The following LARGE1 variants were observed in gnomAD, a reference collection of about 807,000 sequenced individuals.
LARGE1 encodes the protein xylosyl- and glucuronyltransferase LARGE1.
A neutral mutation model predicts 87.6 loss-of-function variants in LARGE1; 43 were observed. The ratio of observed to expected loss-of-function variants is 0.49; its 90% CI spans 0.38 to 0.63. The LOEUF is 0.63. Among genes scored for constraint, LARGE1 ranks in the 30% least tolerant of loss-of-function variants. The pLI is 0.00. For missense variants in LARGE1, 802 were observed against 1,000.2 expected (o/e 0.80, Z 2.67); for synonymous variants, 434 against 394.6 (o/e 1.10, Z -1.18).
chr22:33,853,684 A>G (rs2063674740), intron 1 of LARGE1, among the ~76,000 whole-genome samples: 1 of 152,212 alleles, frequency 6.6e-6, no homozygotes, highest in Non-Finnish European at 1.5e-5. Flanking sequence ...CAAGGATACA[A>G]AAAAGTGCCA....
In LARGE1 at chr22:33,207,623, C is replaced by A. The variant is rs1458092382; in HGVS notation, c.1731-40791G>T. ...TGGCCCATTGAAAACTCATGATCCT[C>A]ACCCACCACAGAGTGAGAGCGTCGG... On this transcript the variant is annotated intron_variant, in intron 11 of 11. Coordinates refer to the LARGE1 transcript ENST00000608642. Among the ~76,000 whole-genome samples, 10 of 152,316 alleles carry A rather than the reference C, an allele frequency of 6.6e-5. No individual in the cohort carries two copies. In the East Asian group the frequency reaches 1.9e-3, roughly 29 times the overall value.
chr22:33,210,406 T>G (rs1924900921), intron 11 of LARGE1, among the ~76,000 whole-genome samples: 1 of 152,228 alleles, frequency 6.6e-6, no homozygotes, highest in South Asian at 2.1e-4. Context: ...CGGCGGAACC[T>G]GGTCTGTGTG....
intron 1 of LARGE1, among the ~76,000 whole-genome samples, chr22:33,868,868 G>A (rs181954608): frequency 6.6e-6 from 1 of 152,246 alleles, no homozygotes; most frequent in South Asian, 2.1e-4. Flanking sequence ...AAATGGAAAG[G>A]GGGTTGCAAG....
At chr22:33,101,538 T>A in the LARGE1 span, among the ~76,000 whole-genome samples, 2 of 152,186 alleles carry the variant, frequency 1.3e-5, no homozygotes, top group Non-Finnish European at 2.9e-5. Flanking sequence ...AAGACACAGT[T>A]CCTGACCTTG....
chr22:33,500,636 T>C (rs1269359979), intron 6 of LARGE1, among the ~76,000 whole-genome samples: 1 of 152,184 alleles, frequency 6.6e-6, no homozygotes, highest in Non-Finnish European at 1.5e-5. Flanking sequence ...ACTCTTTGAC[T>C]TCAGGCAAAC....
chr22:33,542,615 G>A (rs1162995371), intron 6 of LARGE1, among the ~76,000 whole-genome samples: 1 of 150,482 alleles, frequency 6.6e-6, no homozygotes, highest in African/African-American at 2.5e-5. Flanking sequence ...GGCACAGCCA[G>A]CAGGACTTAC....
In LARGE1 at chr22:33,369,496, G is replaced by C. The variant is rs112265634; in HGVS notation, c.1131+12423C>G. ...CAAATTAAGAGTTTGTGATTATATA[G>C]ATAACAGAGCCTTCTTAGTTCTCTA... On this transcript the variant is annotated intron_variant, in intron 9 of 14. Coordinates refer to ENST00000397394, the MANE Select transcript of LARGE1 (RefSeq NM_133642.5). Among the ~76,000 whole-genome samples the C allele has an allele frequency of 7.8e-3, 1,181 of 152,090 alleles. 10 individuals are homozygous for C. Among genetic ancestry groups the C allele is most frequent in the South Asian group, 0.032 (152 of 4,810 alleles).
At chr22:33,909,386 C>T (rs2065554208) in intron 1 of LARGE1, among the ~76,000 whole-genome samples, 1 of 152,142 alleles carries the variant, frequency 6.6e-6, no homozygotes. Context: ...TCCATCTCTC[C>T]CCGCTTCAAT....
chr22:33,873,594 C>T (rs1438759928), intron 1 of LARGE1, among the ~76,000 whole-genome samples: 1 of 152,160 alleles, frequency 6.6e-6, no homozygotes, highest in Admixed American at 6.5e-5. Flanking sequence ...TAGCATGTCA[C>T]AACCATAGAA....
At chr22:33,216,059 A>G (rs1016709445) in intron 11 of LARGE1, among the ~76,000 whole-genome samples, 28 of 152,236 alleles carry the variant, frequency 1.8e-4, no homozygotes, top group African/African-American at 5.8e-4. Flanking sequence ...ATTTTTTTCC[A>G]TATAGATAAT....
At chr22:33,246,226 T>C (rs1926750734) in intron 11 of LARGE1, among the ~76,000 whole-genome samples, 1 of 152,184 alleles carries the variant, frequency 6.6e-6, no homozygotes, top group African/African-American at 2.4e-5. Flanking sequence ...AGAGACATCA[T>C]TCAAAACATG....
chr22:33,579,526 C>T (rs557134282), intron 5 of LARGE1, among the ~76,000 whole-genome samples: 1 of 152,278 alleles, frequency 6.6e-6, no homozygotes, highest in East Asian at 1.9e-4. Context: ...GAGCAGGAGC[C>T]AAGTGGAGCC....
intron 1 of LARGE1, among the ~76,000 whole-genome samples, chr22:33,842,030 G>T (rs1165664831): frequency 6.6e-6 from 1 of 152,200 alleles, no homozygotes; most frequent in East Asian, 1.9e-4. Context: ...TTCAAAGAAA[G>T]CCACTTACAA....
chr22:33,241,601 C>T (rs1416567638), intron 11 of LARGE1, among the ~76,000 whole-genome samples: 10 of 150,652 alleles, frequency 6.6e-5, no homozygotes, highest in Admixed American at 6.6e-4. Context: ...TATATATGTA[C>T]ATATATATGT....
At chr22:33,332,370 C>T (rs961837183) in intron 10 of LARGE1, among the ~76,000 whole-genome samples, 1 of 152,182 alleles carries the variant, frequency 6.6e-6, no homozygotes, top group Admixed American at 6.5e-5. Context: ...GCTCTTCCGC[C>T]ATGATTGTGA....
the LARGE1 span, among the ~76,000 whole-genome samples, chr22:33,089,322 TTC>T: frequency 6.7e-5 from 1 of 14,914 alleles, no homozygotes; most frequent in African/African-American, 3.4e-4. Flanking sequence ...TCTTTCTTCT[TTC>T]TTCTTCTTCT....
At chr22:33,647,783 A>G (rs996570415) in intron 3 of LARGE1, among the ~76,000 whole-genome samples, 26 of 151,832 alleles carry the variant, frequency 1.7e-4, no homozygotes, top group South Asian at 8.3e-4. Flanking sequence ...TTTGAGACGG[A>G]GTTTTGCACT....
intron 2 of LARGE1, among the ~76,000 whole-genome samples, chr22:33,653,143 C>T (rs2080868858): frequency 6.6e-6 from 1 of 152,168 alleles, no homozygotes; most frequent in Non-Finnish European, 1.5e-5. Flanking sequence ...AAAGATGAAC[C>T]TCTGGCTTCC....
intron 1 of LARGE1, chr22:33,873,548 T>G (rs1283468262): frequency 6.6e-6 from 1 of 152,270 alleles, no homozygotes; most frequent in Non-Finnish European, 1.5e-5. Flanking sequence ...CGTGCTCGTC[T>G]GCCTGGGGTC....
Sources: gnomAD v4.1 joint callset for allele counts (sites outside exome capture counted in the v4.1 genomes callset) on GRCh38, gnomAD v4.1.1 for gene constraint, MANE v1.5 for transcripts, NCBI Gene and HGNC (gene_info 2026-07-23, HGNC 2026-07-21) for gene names.